TLN2: variants seen among roughly 807,000 people sequenced by gnomAD.
The protein encoded by TLN2 is talin 2.
A neutral mutation model predicts 294.7 loss-of-function variants in TLN2; 118 were observed. That is an observed-to-expected ratio of 0.40 (90% confidence interval 0.34 to 0.47). TLN2 has a LOEUF of 0.47. Ranked by LOEUF, TLN2 falls within the 20% of genes least tolerant of loss-of-function variation. The pLI is 0.84. For synonymous variants in TLN2, 1,431 were observed against 1,304.5 expected (o/e 1.10, Z -2.09); for missense variants, 3,083 against 3,282.2 (o/e 0.94, Z 1.48).
intron 14 of TLN2, 140 bp downstream of exon 14, chr15:62,694,532 C>G (rs1487794350): frequency 1.5e-6 from 1 of 666,110 alleles, no homozygotes; most frequent in Non-Finnish European, 2.6e-6. Flanking sequence ...CTTCTTCAAG[C>G]GTGGTCCCCA....
intron 1 of TLN2, among the ~76,000 whole-genome samples, chr15:62,408,240 GA>G (rs2033544288): frequency 6.6e-6 from 1 of 152,184 alleles, no homozygotes; most frequent in Non-Finnish European, 1.5e-5. Flanking sequence ...AACAAGGCAA[GA>G]AAAAAATGTG....
rs953745739 is a variant in TLN2, at chr15:62,832,071, T to C, written c.7003-1433T>C. On this transcript the variant is annotated intron_variant, in intron 54 of 58. Transcript: ENST00000636159. ...CCTTCCTGAGCCTGGGTTTTCTCAC[T>C]GTAAAAATAAGGATAAAGATAATTC... The C allele has an allele frequency of 6.0e-5, 9 of 150,152 alleles. No homozygotes were observed. The South Asian group carries it at 1.9e-3, about 32-fold the overall frequency. The allele number at this position is 150,152 out of a possible 1,614,324, so 9.3% of individuals were successfully genotyped here. A position where few individuals can be genotyped will look rare whatever the true frequency, so the allele number is the denominator to read the frequency against.
chr15:62,519,645 A>G (rs776127020), intron 1 of TLN2, among the ~76,000 whole-genome samples: 22 of 152,204 alleles, frequency 1.4e-4, no homozygotes, highest in Non-Finnish European at 2.8e-4. Context: ...TTGGTAAAGG[A>G]GAGTGGGTCT....
intron 2 of TLN2, among the ~76,000 whole-genome samples, chr15:62,601,342 T>A (rs1054181121): frequency 3.3e-5 from 5 of 152,326 alleles, no homozygotes; most frequent in African/African-American, 1.2e-4. Flanking sequence ...AACCCCACTG[T>A]AGTTTTTTGT....
At chr15:62,393,533 C>T (rs2032274975) in intron 1 of TLN2, among the ~76,000 whole-genome samples, 1 of 152,170 alleles carries the variant, frequency 6.6e-6, no homozygotes, top group South Asian at 2.1e-4. Flanking sequence ...TCACCCCTCA[C>T]TCCCAGAACA....
At chr15:62,492,670 G>T (rs1056920581) in intron 1 of TLN2, among the ~76,000 whole-genome samples, 1 of 150,702 alleles carries the variant, frequency 6.6e-6, no homozygotes, top group African/African-American at 2.4e-5. Context: ...TTTTTTCAAC[G>T]CATTTCCCCC....
intron 1 of TLN2, among the ~76,000 whole-genome samples, chr15:62,533,380 G>A (rs1388214899): frequency 1.3e-5 from 2 of 151,938 alleles, no homozygotes; most frequent in Non-Finnish European, 2.9e-5. Context: ...GGGAAAGCTG[G>A]TCAGGGGGAT....
intron 9 of TLN2, among the ~76,000 whole-genome samples, chr15:62,670,494 T>C (rs1453485954): frequency 2.6e-5 from 4 of 152,242 alleles, no homozygotes; most frequent in Non-Finnish European, 4.4e-5. Context: ...AATTTTAATA[T>C]CTAAACTGCT....
intron 1 of TLN2, among the ~76,000 whole-genome samples, chr15:62,584,181 T>C (rs1303372374): frequency 1.3e-5 from 2 of 152,196 alleles, no homozygotes; most frequent in African/African-American, 4.8e-5. Flanking sequence ...ACCACAAAAA[T>C]AAAGGAACTC....
At chr15:62,823,319 C>T (rs972949459) in intron 54 of TLN2, among the ~76,000 whole-genome samples, 1 of 152,170 alleles carries the variant, frequency 6.6e-6, no homozygotes, top group Non-Finnish European at 1.5e-5. Context: ...AAATATCTTC[C>T]TTGCCTTTAT....
intron 33 of TLN2, 59 bp downstream of exon 33, chr15:62,748,503 C>A (rs2061737952): frequency 3.1e-6 from 4 of 1,302,482 alleles, no homozygotes; most frequent in East Asian, 2.3e-5. Flanking sequence ...GTCTGTGTGT[C>A]TGTGTGTCTG....
At chr15:62,498,367 AGT>A (rs1021623362) in intron 1 of TLN2, among the ~76,000 whole-genome samples, 3 of 152,138 alleles carry the variant, frequency 2.0e-5, no homozygotes, top group Non-Finnish European at 4.4e-5. Flanking sequence ...ATCCTTGAGT[AGT>A]CACTGGTCAG....
chr15:62,439,793 T>C (rs1282942390), intron 1 of TLN2, among the ~76,000 whole-genome samples: 1 of 152,250 alleles, frequency 6.6e-6, no homozygotes, highest in Non-Finnish European at 1.5e-5. Context: ...TTGAGACTTT[T>C]GGCCTTCATT....
In TLN2 at chr15:62,843,617, T is replaced by G. The variant is rs972201214; in HGVS notation, c.*3007T>G. 4 of 152,398 alleles carry G rather than the reference T, an allele frequency of 2.6e-5. No homozygotes were observed. Among genetic ancestry groups the G allele is most frequent in the East Asian group, 1.9e-4 (1 of 5,184 alleles). 9.4% of individuals were successfully genotyped at this position (152,398 alleles called of 1,614,324 possible). On this transcript the variant is annotated 3_prime_UTR_variant, in exon 59 of 59. Transcript: ENST00000636159. The stretch of plus-strand genomic sequence containing the variant: ...TTTATCAGGGAAAACCCTTCGAGCT[T>G]CTTCTGATTCTCACCTGCTTGCTTT...
chr15:62,419,616 A>G (rs564419348), intron 1 of TLN2, among the ~76,000 whole-genome samples: 1 of 125,480 alleles, frequency 8.0e-6, no homozygotes, highest in East Asian at 2.7e-4. Context: ...AAATTGCTTT[A>G]CCTCTGAAGA....
At chr15:62,503,935 C>T (rs1194068665) in intron 1 of TLN2, among the ~76,000 whole-genome samples, 1 of 152,154 alleles carries the variant, frequency 6.6e-6, no homozygotes, top group African/African-American at 2.4e-5. Context: ...ACCCTGGAAT[C>T]TCACGTAGAA....
At chr15:62,641,955 G>C (rs966941682) in intron 3 of TLN2, among the ~76,000 whole-genome samples, 1 of 152,336 alleles carries the variant, frequency 6.6e-6, no homozygotes, top group Admixed American at 6.5e-5. Context: ...GAACCAGGGT[G>C]ATCCTGAGCA....
In TLN2 at chr15:62,835,925, G is replaced by A; in HGVS notation, c.7226G>A (p.Cys2409Tyr). The change falls in exon 57 of 59, where the codon TGT (cysteine) becomes TAT (tyrosine). Residue 2409 changes from cysteine (C) to tyrosine (Y), a missense_variant. By Grantham distance (194) the Cys-to-Tyr change is radical. Coordinates refer to ENST00000636159, the MANE Select transcript of TLN2 (RefSeq NM_015059.3). ...GTGGCGGCTGCGACCAGCAGTCTCT[G>A]TGAGGCGGCCAATGCCTCCGTTCAG... Reference protein sequence around the residue: ...RMVAAATSSLCEAANASVQGH... With the variant: ...RMVAAATSSLYEAANASVQGH... The A allele has an allele frequency of 6.2e-7, 1 of 1,614,232 alleles. No individual in the cohort carries two copies. The highest frequency in any genetic ancestry group is 8.5e-7 in the Non-Finnish European group (1 of 1,180,038).
intron 55 of TLN2, 56 bp downstream of exon 55, chr15:62,833,685 G>T: frequency 3.2e-6 from 5 of 1,578,564 alleles, no homozygotes; most frequent in East Asian, 2.3e-5. Context: ...GCCTCAGGGG[G>T]CCCAGGAAAA....
Sources: allele counts gnomAD v4.1 joint callset (sites outside exome capture counted in the v4.1 genomes callset), GRCh38; gene constraint gnomAD v4.1.1; transcripts MANE v1.5; gene names NCBI Gene and HGNC (gene_info 2026-07-23, HGNC 2026-07-21).